Variants in ADGRB3 observed in about 807,000 individuals in gnomAD.
The protein encoded by ADGRB3 is adhesion G protein-coupled receptor B3.
In ADGRB3, 37 loss-of-function variants were observed where a neutral mutation model predicts 193.4. The ratio of observed to expected loss-of-function variants is 0.19; its 90% CI spans 0.15 to 0.25. The LOEUF is 0.25. ADGRB3 is among the 10% of genes least tolerant of loss of function. The pLI is 1.00. For missense variants in ADGRB3, 1,637 were observed against 1,852.9 expected, an observed-to-expected ratio of 0.88 and a Z score of 2.14; for synonymous variants, 690 against 644.2, an observed-to-expected ratio of 1.07 and a Z score of -1.08.
At chr6:68,950,446 A>G (rs1205720025) in intron 6 of ADGRB3, among the ~76,000 whole-genome samples, 1 of 152,164 alleles carries the variant, frequency 6.6e-6, no homozygotes, top group African/African-American at 2.4e-5. Flanking sequence ...TAGGTATTAC[A>G]TTTCAATTAA....
intron 11 of ADGRB3, among the ~76,000 whole-genome samples, chr6:68,996,925 TCA>T (rs1412627893): frequency 6.6e-6 from 1 of 152,156 alleles, no homozygotes; most frequent in Non-Finnish European, 1.5e-5. Context: ...GTGGTAATAA[TCA>T]CAGAGGTATC....
chr6:69,338,526 T>C (rs1768900960), intron 24 of ADGRB3, among the ~76,000 whole-genome samples: 1 of 152,246 alleles, frequency 6.6e-6, no homozygotes, highest in African/African-American at 2.4e-5. Context: ...ATATGCCTTC[T>C]GCAATTAACA....
intron 17 of ADGRB3, among the ~76,000 whole-genome samples, chr6:69,177,268 ACTTTGCT>A (rs1281760669): frequency 6.6e-6 from 1 of 152,036 alleles, no homozygotes; most frequent in Non-Finnish European, 1.5e-5. Context: ...GGTGCTGTAA[ACTTTGCT>A]CTTTGCTCTT....
intron 3 of ADGRB3, among the ~76,000 whole-genome samples, chr6:68,737,680 G>A (rs1450738001): frequency 6.6e-6 from 1 of 151,908 alleles, no homozygotes; most frequent in Admixed American, 6.6e-5. Flanking sequence ...AATTGTCCAT[G>A]TTCCTTTATG....
rs966638815 is a variant in ADGRB3, at chr6:68,845,684, A to G, written c.758-84875A>G. Reference sequence around the variant, plus strand: ...TTCCTCATCCTTTCTTGCTGCCACCATGTAAGAAGTGCCTTTCACCCTCTG... The same window carrying G: ...TTCCTCATCCTTTCTTGCTGCCACCGTGTAAGAAGTGCCTTTCACCCTCTG... On this transcript the variant is annotated intron_variant, in intron 3 of 31. Transcript: ENST00000370598. Among the ~76,000 whole-genome samples, 7 of 152,220 alleles carry G rather than the reference A, an allele frequency of 4.6e-5. No homozygotes were observed. In the East Asian group the frequency reaches 9.7e-4, roughly 21 times the overall value.
chr6:68,985,552 G>A (rs1180409328), intron 10 of ADGRB3, among the ~76,000 whole-genome samples: 1 of 152,082 alleles, frequency 6.6e-6, no homozygotes, highest in Admixed American at 6.6e-5. Flanking sequence ...ACTAGTTCTG[G>A]TCAATTGGTT....
intron 20 of ADGRB3, among the ~76,000 whole-genome samples, chr6:69,321,846 T>C (rs1441950956): frequency 6.6e-6 from 1 of 151,852 alleles, no homozygotes; most frequent in Non-Finnish European, 1.5e-5. Flanking sequence ...TGTTTCCTTG[T>C]ATGGAGTGTT....
chr6:69,226,783 A>G (rs59380662), intron 17 of ADGRB3, among the ~76,000 whole-genome samples: 10,185 of 152,292 alleles, frequency 0.067, 912 homozygotes, highest in African/African-American at 0.19. Flanking sequence ...TTAATTGCGT[A>G]TAACCTCACT....
At chr6:69,073,866 C>T (rs1456148589) in intron 16 of ADGRB3, among the ~76,000 whole-genome samples, 5 of 152,136 alleles carry the variant, frequency 3.3e-5, no homozygotes, top group Admixed American at 1.3e-4. Context: ...GAGTCATGGC[C>T]GACCTCCGCC....
intron 3 of ADGRB3, among the ~76,000 whole-genome samples, chr6:68,669,604 TTGTGTGTGTGTGTGTGTGTGTGTG>T (rs59849376): frequency 3.0e-4 from 41 of 134,752 alleles, no homozygotes; most frequent in Middle Eastern, 3.9e-3. Flanking sequence ...TAATACTCCA[TTGTGTGTGTGTGTGTGTGTGTGTG>T]TGTGTGTGTG....
chr6:68,898,602 C>G (rs538450086), intron 3 of ADGRB3, among the ~76,000 whole-genome samples: 3 of 152,082 alleles, frequency 2.0e-5, no homozygotes, highest in Non-Finnish European at 2.9e-5. Context: ...ACTCCCCAAC[C>G]CTTAGACATG....
At chr6:68,801,223 A>C (rs1421047801) in intron 3 of ADGRB3, among the ~76,000 whole-genome samples, 2 of 152,184 alleles carry the variant, frequency 1.3e-5, no homozygotes, top group Non-Finnish European at 2.9e-5. Flanking sequence ...TTCTGTTCTT[A>C]ATAGAAATGT....
At chr6:68,682,351 T>C (rs767486748) in intron 3 of ADGRB3, among the ~76,000 whole-genome samples, 1 of 152,144 alleles carries the variant, frequency 6.6e-6, no homozygotes, top group Non-Finnish European at 1.5e-5. Context: ...GTTGTATAAA[T>C]ATAAAGCAAG....
At chr6:69,260,471 C>T (rs183410674) in intron 20 of ADGRB3, among the ~76,000 whole-genome samples, 14 of 152,250 alleles carry the variant, frequency 9.2e-5, no homozygotes, top group South Asian at 6.2e-4. Flanking sequence ...TCCTTCTAGA[C>T]GCTATTTCAG....
intron 11 of ADGRB3, among the ~76,000 whole-genome samples, chr6:69,001,969 T>A (rs1349965821): frequency 6.6e-6 from 1 of 152,210 alleles, no homozygotes; most frequent in African/African-American, 2.4e-5. Flanking sequence ...TTTATTTCAT[T>A]AAGAAAAATT....
intron 8 of ADGRB3, among the ~76,000 whole-genome samples, chr6:68,965,454 T>G (rs12189726): frequency 0.29 from 43,640 of 151,700 alleles, 6,780 homozygotes; most frequent in Non-Finnish European, 0.35. Flanking sequence ...TGTTTTTTTT[T>G]TGTGTGTGTG....
intron 17 of ADGRB3, among the ~76,000 whole-genome samples, chr6:69,177,425 C>T (rs576049507): frequency 5.8e-4 from 88 of 152,050 alleles, no homozygotes; most frequent in Non-Finnish European, 1.1e-3. Context: ...GGCGCCGTCT[C>T]GGCTCACTGC....
intron 17 of ADGRB3, among the ~76,000 whole-genome samples, chr6:69,093,105 C>T (rs187134680): frequency 3.4e-4 from 51 of 149,924 alleles, no homozygotes; most frequent in Admixed American, 3.1e-3. Flanking sequence ...CAAGGAAGAG[C>T]GGGGTGGGCA....
chr6:68,800,811 A>G (rs1767296645), intron 3 of ADGRB3, among the ~76,000 whole-genome samples: 1 of 151,282 alleles, frequency 6.6e-6, no homozygotes, highest in Non-Finnish European at 1.5e-5. Context: ...AAATAAAAGC[A>G]TTAATATTAT....
Sources: gnomAD v4.1 joint callset for allele counts (sites outside exome capture counted in the v4.1 genomes callset) on GRCh38, gnomAD v4.1.1 for gene constraint, MANE v1.5 for transcripts, NCBI Gene and HGNC (gene_info 2026-07-23, HGNC 2026-07-21) for gene names.